Variants in PRKN observed in about 807,000 individuals in gnomAD.
PRKN encodes the protein parkin RBR E3 ubiquitin protein ligase, also known as E3 ubiquitin-protein ligase parkin.
PRKN carries 56 observed loss-of-function variants against 59.5 expected under a neutral mutation model. The ratio of observed to expected loss-of-function variants is 0.94; its 90% CI spans 0.76 to 1.18. PRKN has a LOEUF of 1.18. PRKN is among the 50% of genes most tolerant of loss of function. PRKN has a pLI of 0.00. For missense variants in PRKN, 657 were observed against 596.4 expected (o/e 1.10, Z -1.06); for synonymous variants, 250 against 222.1 (o/e 1.13, Z -1.12).
At chr6:162,424,517 C>G (rs1463646274) in intron 2 of PRKN, among the ~76,000 whole-genome samples, 12 of 151,922 alleles carry the variant, frequency 7.9e-5, no homozygotes, top group Non-Finnish European at 1.6e-4. Context: ...AGGTGGATCA[C>G]TAAGTCAGGA....
At chr6:162,064,090 C>T (rs1394432130) in intron 4 of PRKN, among the ~76,000 whole-genome samples, 1 of 152,158 alleles carries the variant, frequency 6.6e-6, no homozygotes, top group African/African-American at 2.4e-5. Flanking sequence ...GAAAAGAGAG[C>T]TACTGAGTCA....
At chr6:162,683,386 T>C (rs2128233342) in intron 1 of PRKN, among the ~76,000 whole-genome samples, 1 of 152,280 alleles carries the variant, frequency 6.6e-6, no homozygotes, top group African/African-American at 2.4e-5. Context: ...TTCTAGATAA[T>C]TGGCATGGGA....
intron 4 of PRKN, among the ~76,000 whole-genome samples, chr6:162,139,308 A>G (rs1410675047): frequency 3.9e-5 from 6 of 152,318 alleles, no homozygotes; most frequent in Admixed American, 6.5e-5. Flanking sequence ...GTCCTTGTAG[A>G]TTAAAATTGG....
At chr6:162,234,565 T>G (rs969723333) in intron 3 of PRKN, among the ~76,000 whole-genome samples, 9 of 152,204 alleles carry the variant, frequency 5.9e-5, no homozygotes, top group African/African-American at 2.2e-4. Flanking sequence ...GCATATAGCC[T>G]ACACACATCC....
intron 1 of PRKN, among the ~76,000 whole-genome samples, chr6:162,674,128 T>C: frequency 6.6e-6 from 1 of 152,218 alleles, no homozygotes; most frequent in Non-Finnish European, 1.5e-5. Context: ...CATTACAGCT[T>C]TGACTGTATG....
intron 1 of PRKN, among the ~76,000 whole-genome samples, chr6:162,516,127 T>A: frequency 6.6e-6 from 1 of 152,282 alleles, no homozygotes; most frequent in South Asian, 2.1e-4. Context: ...TTCTCTCTGA[T>A]CCTTCTCTGA....
intron 7 of PRKN, among the ~76,000 whole-genome samples, chr6:161,604,995 G>GA (rs1356663394): frequency 2.0e-5 from 3 of 152,078 alleles, no homozygotes; most frequent in Admixed American, 6.5e-5. Flanking sequence ...ACTTGTTACT[G>GA]AAAATCTTAG....
At chr6:162,660,476 C>T (rs1778835694) in intron 1 of PRKN, among the ~76,000 whole-genome samples, 1 of 152,146 alleles carries the variant, frequency 6.6e-6, no homozygotes, top group African/African-American at 2.4e-5. Flanking sequence ...TGAACTGATC[C>T]TTCAAAATAA....
intron 8 of PRKN, among the ~76,000 whole-genome samples, chr6:161,563,872 C>T (rs1383942082): frequency 6.6e-6 from 1 of 152,044 alleles, no homozygotes; most frequent in Non-Finnish European, 1.5e-5. Context: ...ATTTTGTTGC[C>T]ACTATGTAAA....
At chr6:161,941,695 C>T (rs1779574534) in intron 6 of PRKN, among the ~76,000 whole-genome samples, 1 of 152,208 alleles carries the variant, frequency 6.6e-6, no homozygotes, top group South Asian at 2.1e-4. Context: ...CCCCTAGACA[C>T]TGCTGTGGGG....
At chr6:162,129,591 C>G (rs1325332021) in intron 4 of PRKN, among the ~76,000 whole-genome samples, 1 of 152,094 alleles carries the variant, frequency 6.6e-6, no homozygotes, top group East Asian at 1.9e-4. Flanking sequence ...ATGTACCAAA[C>G]AGAGTGTGAA....
intron 6 of PRKN, among the ~76,000 whole-genome samples, chr6:161,894,295 T>C (rs1350383870): frequency 6.6e-6 from 1 of 152,220 alleles, no homozygotes; most frequent in Non-Finnish European, 1.5e-5. Flanking sequence ...CGAGTCTCAT[T>C]ATTTCCTTCC....
At chr6:162,002,044 A>G (rs956965049) in intron 5 of PRKN, among the ~76,000 whole-genome samples, 4 of 151,838 alleles carry the variant, frequency 2.6e-5, no homozygotes, top group Admixed American at 2.0e-4. Flanking sequence ...ATAATTTTTC[A>G]ATACATTGAT....
intron 5 of PRKN, among the ~76,000 whole-genome samples, chr6:162,020,087 A>G (rs1783078487): frequency 6.6e-6 from 1 of 152,016 alleles, no homozygotes; most frequent in Non-Finnish European, 1.5e-5. Flanking sequence ...CAGCACCTGT[A>G]AGTGCATGTG....
chr6:161,589,623 T>C (rs1022763887), intron 7 of PRKN, among the ~76,000 whole-genome samples: 3 of 152,208 alleles, frequency 2.0e-5, no homozygotes, highest in Non-Finnish European at 4.4e-5. Flanking sequence ...TTTGTGTATG[T>C]AATTCCAAAG....
intron 1 of PRKN, among the ~76,000 whole-genome samples, chr6:162,597,404 G>A (rs1408942976): frequency 6.6e-6 from 1 of 152,072 alleles, no homozygotes; most frequent in Non-Finnish European, 1.5e-5. Flanking sequence ...ATTGAAAATG[G>A]CATAACTGTT....
rs71004079 is a variant in PRKN, at chr6:162,096,848, A to ATTTTTTTTTTTTTT, written c.535-42688_535-42675dup. Among the ~76,000 whole-genome samples the ATTTTTTTTTTTTTT allele has an allele frequency of 6.1e-5, 3 of 49,180 alleles. 1 individual carries two copies. The highest frequency in any genetic ancestry group is 8.9e-5 in the African/African-American group (1 of 11,224). The allele number at this position is 49,180 out of a possible 152,430, so 32.3% of individuals were successfully genotyped here. On this transcript the variant is annotated intron_variant, in intron 4 of 11. Coordinates refer to ENST00000366898, the MANE Select transcript of PRKN (RefSeq NM_004562.3). ...GTGAGAATGGACTCATACAGCTGGA[A>ATTTTTTTTTTTTTT]TTTTTTTTTTTTTTTTTTTTTTTTT... is the stretch of plus-strand genomic sequence containing the variant.
At chr6:161,747,495 T>A (rs1036865693) in intron 7 of PRKN, among the ~76,000 whole-genome samples, 7 of 152,170 alleles carry the variant, frequency 4.6e-5, no homozygotes, top group African/African-American at 1.7e-4. Flanking sequence ...ACTTCAGAGT[T>A]GACTCATGAA....
At position 162,475,812 on chromosome 6, in the gene PRKN, C is replaced by T. The variant is rs533894841; in HGVS notation, c.8-32339G>A. On this transcript the variant is annotated intron_variant, in intron 1 of 11. Transcript: ENST00000366898. ...TCGCAATCTCAGCTCACTGCAGTGG[C>T]GCAATCTCAGCTCACTGCAACCTCC... Among the ~76,000 whole-genome samples, 11 of 152,352 alleles carry T rather than the reference C, an allele frequency of 7.2e-5. No homozygotes were observed. In the East Asian group the frequency reaches 1.5e-3, roughly 21 times the overall value.
Sources: gnomAD v4.1 joint callset for allele counts (sites outside exome capture counted in the v4.1 genomes callset) on GRCh38, gnomAD v4.1.1 for gene constraint, MANE v1.5 for transcripts, NCBI Gene and HGNC (gene_info 2026-07-23, HGNC 2026-07-21) for gene names.